Variants in MTSS1 observed in about 807,000 individuals in gnomAD.
MTSS1 encodes protein MTSS 1.
MTSS1 carries 18 observed loss-of-function variants against 79.0 expected under a neutral mutation model. The observed-to-expected ratio is 0.23, with a 90% CI of 0.16 to 0.34. The LOEUF is 0.34. MTSS1 is among the 10% of genes least tolerant of loss of function. The pLI is 1.00. For synonymous variants in MTSS1, 341 were observed against 368.6 expected (o/e 0.93, Z 0.86); for missense variants, 815 against 986.2 (o/e 0.83, Z 2.33).
At chr8:124,632,732 A>G (rs1283591881) in intron 3 of MTSS1, among the ~76,000 whole-genome samples, 1 of 152,148 alleles carries the variant, frequency 6.6e-6, no homozygotes, top group Non-Finnish European at 1.5e-5. Flanking sequence ...CAGTTGCACA[A>G]TCTCAGCTCA....
At position 124,661,205 on chromosome 8, in the gene MTSS1, G is replaced by A. The variant is rs886917278; in HGVS notation, c.208+38321C>T. Among the ~76,000 whole-genome samples the A allele has an allele frequency of 7.9e-5, 12 of 152,206 alleles. No individual in the cohort carries two copies. In the South Asian group the frequency reaches 2.1e-3, roughly 26 times the overall value. On this transcript the variant is annotated intron_variant, in intron 3 of 13. Coordinates refer to ENST00000518547, the MANE Select transcript of MTSS1 (RefSeq NM_014751.6). ...TAGGTTTTAAGAAATAATATTTATC[G>A]TCTTTTTCCAAAATGAAAGGATAAC...
intron 3 of MTSS1, among the ~76,000 whole-genome samples, chr8:124,696,867 A>C (rs1021684872): frequency 6.6e-6 from 1 of 151,952 alleles, no homozygotes; most frequent in African/African-American, 2.4e-5. Context: ...AAAAAAAAGA[A>C]AAAAAAATGT....
At chr8:124,640,947 T>C (rs1040193759) in intron 3 of MTSS1, among the ~76,000 whole-genome samples, 2 of 152,192 alleles carry the variant, frequency 1.3e-5, no homozygotes, top group East Asian at 3.8e-4. Flanking sequence ...TTTGCAACTC[T>C]TTCCAAAACA....
chr8:124,584,008 T>G (rs575585551), intron 6 of MTSS1, among the ~76,000 whole-genome samples: 22 of 152,322 alleles, frequency 1.4e-4, no homozygotes, highest in African/African-American at 5.3e-4. Context: ...AAAATCTGAT[T>G]GTGGGTGAAA....
intron 3 of MTSS1, among the ~76,000 whole-genome samples, chr8:124,614,623 A>G (rs1836505945): frequency 6.6e-6 from 1 of 152,268 alleles, no homozygotes; most frequent in South Asian, 2.1e-4. Context: ...CATGAATGGT[A>G]GTTAAGTTCT....
At chr8:124,670,568 C>T (rs1299457827) in intron 3 of MTSS1, among the ~76,000 whole-genome samples, 1 of 152,170 alleles carries the variant, frequency 6.6e-6, no homozygotes, top group African/African-American at 2.4e-5. Context: ...ACATGATACA[C>T]TTAGGATTGA....
At chr8:124,667,261 T>C (rs529891465) in intron 3 of MTSS1, among the ~76,000 whole-genome samples, 2 of 152,230 alleles carry the variant, frequency 1.3e-5, no homozygotes, top group South Asian at 4.1e-4. Context: ...TCAGGGCAAC[T>C]GTGAAAGCGC....
intron 3 of MTSS1, among the ~76,000 whole-genome samples, chr8:124,617,095 G>A (rs540634781): frequency 3.3e-5 from 5 of 152,272 alleles, no homozygotes; most frequent in African/African-American, 7.2e-5. Flanking sequence ...GTCAGAGAAC[G>A]AGGGCAGTGT....
chr8:124,615,850 A>G (rs1039693618), intron 3 of MTSS1, among the ~76,000 whole-genome samples: 12 of 152,228 alleles, frequency 7.9e-5, no homozygotes, highest in African/African-American at 2.9e-4. Context: ...GCCTAGAACT[A>G]CTGGTGGCCC....
intron 3 of MTSS1, among the ~76,000 whole-genome samples, chr8:124,646,822 T>C (rs779920043): frequency 6.6e-6 from 1 of 150,854 alleles, no homozygotes; most frequent in East Asian, 1.9e-4. Context: ...CATTACATCT[T>C]TCTCTCTCTC....
At chr8:124,711,526 C>A (rs577017330) in intron 1 of MTSS1, among the ~76,000 whole-genome samples, 22 of 152,264 alleles carry the variant, frequency 1.4e-4, no homozygotes, top group African/African-American at 5.3e-4. Context: ...AGCCCCAGGG[C>A]TGCAAAGAGT....
At chr8:124,604,151 T>G (rs1419788622) in intron 3 of MTSS1, among the ~76,000 whole-genome samples, 1 of 151,992 alleles carries the variant, frequency 6.6e-6, no homozygotes, top group East Asian at 1.9e-4. Flanking sequence ...AGGCGGAGGT[T>G]GCAGTGAGCC....
intron 3 of MTSS1, among the ~76,000 whole-genome samples, chr8:124,610,702 T>G (rs753191016): frequency 4.6e-5 from 7 of 152,152 alleles, no homozygotes; most frequent in Non-Finnish European, 7.4e-5. Flanking sequence ...AGGAAGATGG[T>G]AGGGAGCTTT....
At chr8:124,626,097 T>C (rs1814607922) in intron 3 of MTSS1, among the ~76,000 whole-genome samples, 1 of 152,170 alleles carries the variant, frequency 6.6e-6, no homozygotes, top group African/African-American at 2.4e-5. Flanking sequence ...CATGGCACCA[T>C]GTTGAAAAGG....
rs183994075 is a variant in MTSS1 at position 124,564,969 on chromosome 8, G to A, written c.824+693C>T. Among the ~76,000 whole-genome samples, 326 of 152,278 alleles carry A rather than the reference G, an allele frequency of 2.1e-3. 1 individual carries two copies. Among genetic ancestry groups the A allele is most frequent in the African/African-American group, 7.5e-3 (310 of 41,544 alleles). On this transcript the variant is annotated intron_variant, in intron 9 of 13. Transcript: ENST00000518547. ...TGAAAGTTAAATTAAAAGAGTAACAGGACTACTATACCAAGAGAGATAGAT... is the reference window on the plus strand; with the variant it reads ...TGAAAGTTAAATTAAAAGAGTAACAAGACTACTATACCAAGAGAGATAGAT...
At chr8:124,652,898 T>C (rs1439698150) in intron 3 of MTSS1, among the ~76,000 whole-genome samples, 8 of 152,244 alleles carry the variant, frequency 5.3e-5, no homozygotes, top group African/African-American at 1.9e-4. Context: ...GAAGTTCTTT[T>C]TTCATTAACC....
rs1330937069 is a variant in MTSS1 at position 124,551,368 on chromosome 8, C to T, written c.*1624G>A. On this transcript the variant is annotated 3_prime_UTR_variant, in exon 14 of 14. Coordinates refer to ENST00000518547, the MANE Select transcript of MTSS1 (RefSeq NM_014751.6). The stretch of plus-strand genomic sequence containing the variant: ...ATAGTTTCTAATAATCATGCCTTTG[C>T]TTTAAAGCCGTAACATAAAATGTCC... The T allele has an allele frequency of 2.6e-5, 4 of 152,634 alleles. No individual in the cohort carries two copies. The highest frequency in any genetic ancestry group is 5.9e-5 in the Non-Finnish European group (4 of 68,038). The allele number at this position is 152,634 out of a possible 1,614,324, so 9.5% of individuals were successfully genotyped here. A position where few individuals can be genotyped will look rare whatever the true frequency, so the allele number is the denominator to read the frequency against.
intron 3 of MTSS1, among the ~76,000 whole-genome samples, chr8:124,618,849 G>A (rs1812909291): frequency 6.6e-6 from 1 of 152,226 alleles, no homozygotes; most frequent in Non-Finnish European, 1.5e-5. Flanking sequence ...CAGATGCAAA[G>A]CAATCTTAGA....
intron 1 of MTSS1, among the ~76,000 whole-genome samples, chr8:124,725,179 A>G (rs993741201): frequency 1.3e-5 from 2 of 152,076 alleles, no homozygotes; most frequent in African/African-American, 4.8e-5. Flanking sequence ...AAAAGTCAGG[A>G]TTTCTTCCAC....
Sources: gnomAD v4.1 joint callset for allele counts (sites outside exome capture counted in the v4.1 genomes callset) on GRCh38, gnomAD v4.1.1 for gene constraint, MANE v1.5 for transcripts, NCBI Gene and HGNC (gene_info 2026-07-23, HGNC 2026-07-21) for gene names.